PCDHA5: variants seen among roughly 807,000 people sequenced by gnomAD.
The protein encoded by PCDHA5 is protocadherin alpha 5, also known as protocadherin alpha-5.
In PCDHA5, 43 loss-of-function variants were observed where a neutral mutation model predicts 61.6. The observed-to-expected ratio is 0.70, with a 90% CI of 0.55 to 0.90. The LOEUF is 0.90. PCDHA5 is among the 40% of genes least tolerant of loss of function. The pLI is 0.00. For missense variants in PCDHA5, 1,298 were observed against 1,222.7 expected (o/e 1.06, Z -0.92); for synonymous variants, 627 against 543.9 (o/e 1.15, Z -2.13).
Position 140,843,987 on chromosome 5 carries a change from G to T in PCDHA5, c.2352+19860G>T, listed in dbSNP as rs1007978772. ...ATTTATTTTGGCCTGCCTTACAGCCGTCTTCTCTGAACAATACTCTAAGGA... is the reference window on the plus strand; with the variant it reads ...ATTTATTTTGGCCTGCCTTACAGCCTTCTTCTCTGAACAATACTCTAAGGA... On this transcript the variant is annotated intron_variant, in intron 1 of 3. Coordinates refer to ENST00000529859, the MANE Select transcript of PCDHA5 (RefSeq NM_018908.3). Among the ~76,000 whole-genome samples the T allele has an allele frequency of 1.5e-4, 23 of 149,540 alleles. 2 individuals are homozygous for T. The highest frequency in any genetic ancestry group is 5.6e-4 in the African/African-American group (23 of 40,920).
At chr5:140,901,060 A>AT (rs542927280) in intron 1 of PCDHA5, among the ~76,000 whole-genome samples, 21 of 151,128 alleles carry the variant, frequency 1.4e-4, no homozygotes, top group African/African-American at 3.2e-4. Flanking sequence ...AGATTATTAG[A>AT]TTTTTTTTTC....
At chr5:140,846,180 G>A (rs1196711565) in intron 1 of PCDHA5, among the ~76,000 whole-genome samples, 4 of 149,348 alleles carry the variant, frequency 2.7e-5, no homozygotes, top group East Asian at 1.9e-4. Context: ...CTGAGTAGGC[G>A]TTTGAGTTCT....
intron 1 of PCDHA5, chr5:140,876,583 C>T: frequency 1.9e-6 from 3 of 1,614,194 alleles, no homozygotes; most frequent in Non-Finnish European, 2.5e-6. Flanking sequence ...CGTCATTGCC[C>T]TGATTAGCGT....
At chr5:140,973,870 T>A (rs2153801427) in intron 1 of PCDHA5, among the ~76,000 whole-genome samples, 1 of 152,264 alleles carries the variant, frequency 6.6e-6, no homozygotes. Flanking sequence ...CAATGAGAGG[T>A]CAGAATAATG....
chr5:140,852,883 G>T, intron 1 of PCDHA5: 1 of 933,168 alleles, frequency 1.1e-6, no homozygotes, highest in Non-Finnish European at 1.3e-6. Flanking sequence ...ATCATAAAAC[G>T]TATTTTTTTT....
chr5:140,848,884 C>T, intron 1 of PCDHA5: 2 of 1,591,388 alleles, frequency 1.3e-6, no homozygotes, highest in South Asian at 1.1e-5. Flanking sequence ...AACGACAACC[C>T]TCCAGTGTTC....
At chr5:140,963,091 T>C (rs1250580965) in intron 1 of PCDHA5, among the ~76,000 whole-genome samples, 1 of 152,162 alleles carries the variant, frequency 6.6e-6, no homozygotes, top group African/African-American at 2.4e-5. Flanking sequence ...AAGACATGGC[T>C]CCTGCTTTCA....
In PCDHA5 at chr5:140,822,930, C is replaced by T; in HGVS notation, c.1155C>T (p.Thr385=). Reference sequence around the variant, plus strand: ...ACTCAGGTGCCAACGGGCAGGTGACCTGCTCCCTAATGCCCCACGTTCCCT... The same window carrying T: ...ACTCAGGTGCCAACGGGCAGGTGACTTGCTCCCTAATGCCCCACGTTCCCT... ...DRDSGANGQV[T]CSLMPHVPFK... Residue 385 remains threonine, a synonymous_variant, in exon 1 of 4, where the codon ACC becomes ACT. Transcript: ENST00000529859. 6.2e-6 allele frequency: 10 copies of T among 1,614,266 alleles called. No homozygotes were observed. The highest frequency in any genetic ancestry group is 7.6e-6 in the Non-Finnish European group (9 of 1,180,044).
intron 1 of PCDHA5, chr5:140,865,048 T>A (rs2048709545): frequency 1.3e-5 from 2 of 152,178 alleles, no homozygotes; most frequent in Admixed American, 1.3e-4. Flanking sequence ...AAAAATGTCA[T>A]TGTTTTTAAT....
intron 3 of PCDHA5, among the ~76,000 whole-genome samples, chr5:140,988,630 G>A (rs184253041): frequency 3.1e-4 from 47 of 152,192 alleles, no homozygotes; most frequent in African/African-American, 1.1e-3. Context: ...AGATGTCCTG[G>A]TTTTCTGAAA....
chr5:140,906,999 G>T lies in PCDHA5; in HGVS notation c.2353-71950G>T, dbSNP rs187849442. Among the ~76,000 whole-genome samples the T allele has an allele frequency of 8.0e-3, 1,219 of 152,202 alleles. 6 individuals are homozygous for T. The highest frequency in any genetic ancestry group is 0.019 in the African/African-American group (787 of 41,528). On this transcript the variant is annotated intron_variant, in intron 1 of 3. Coordinates refer to ENST00000529859, the MANE Select transcript of PCDHA5 (RefSeq NM_018908.3). Reference sequence around the variant, plus strand: ...TTCTGGTGGCAGCATTCCTCCCTCTGGAACTAAGACCTCTAGGCCAGCAGA... The same window carrying T: ...TTCTGGTGGCAGCATTCCTCCCTCTTGAACTAAGACCTCTAGGCCAGCAGA...
At chr5:140,928,666 T>C in intron 1 of PCDHA5, 8 of 1,614,212 alleles carry the variant, frequency 5.0e-6, no homozygotes, top group Non-Finnish European at 6.8e-6. Context: ...TGACAGTGGT[T>C]CTAATGCCTG....
At chr5:140,951,431 G>A (rs1003684083) in intron 1 of PCDHA5, among the ~76,000 whole-genome samples, 1 of 152,044 alleles carries the variant, frequency 6.6e-6, no homozygotes, top group Non-Finnish European at 1.5e-5. Context: ...TCCACAGGCT[G>A]TAGGAAGCAT....
In PCDHA5 at chr5:140,835,437, C is replaced by G. The variant is rs150063888; in HGVS notation, c.2352+11310C>G. ...AAATGACAATGCTCCACAGTTGACTCTCACTTCCCTGTCTCTCCCTATTCC... is the reference window on the plus strand; with the variant it reads ...AAATGACAATGCTCCACAGTTGACTGTCACTTCCCTGTCTCTCCCTATTCC... On this transcript the variant is annotated intron_variant, in intron 1 of 3. Transcript: ENST00000529859. 1.9e-6 allele frequency: 3 copies of G among 1,612,848 alleles called. No individual in the cohort carries two copies. The highest frequency in any genetic ancestry group is 1.7e-4 in the Middle Eastern group (1 of 6,058).
chr5:140,875,531 T>G, intron 1 of PCDHA5: 1 of 1,614,100 alleles, frequency 6.2e-7, no homozygotes. Flanking sequence ...TCGCTTCTGC[T>G]CCTTGCAGCC....
chr5:140,900,693 T>A (rs1223398418), intron 1 of PCDHA5, among the ~76,000 whole-genome samples: 1 of 152,242 alleles, frequency 6.6e-6, no homozygotes, highest in African/African-American at 2.4e-5. Flanking sequence ...TATACTGATT[T>A]CCGTTCTTTT....
intron 1 of PCDHA5, among the ~76,000 whole-genome samples, chr5:140,908,078 A>T (rs1047293736): frequency 6.6e-6 from 1 of 152,202 alleles, no homozygotes; most frequent in Non-Finnish European, 1.5e-5. Context: ...AAAGTGCACA[A>T]CCAGGTGCAC....
chr5:140,928,807 C>G (rs782261335), intron 1 of PCDHA5: 1 of 1,614,094 alleles, frequency 6.2e-7, no homozygotes, highest in Admixed American at 1.7e-5. Context: ...GGTAGTGGTT[C>G]GGGACCATGG....
At chr5:140,957,897 C>A (rs1563294637) in intron 1 of PCDHA5, among the ~76,000 whole-genome samples, 2 of 151,908 alleles carry the variant, frequency 1.3e-5, no homozygotes, top group East Asian at 3.9e-4. Context: ...TGGCATCAAC[C>A]AAGGCATATT....
Sources: allele counts gnomAD v4.1 joint callset (sites outside exome capture counted in the v4.1 genomes callset), GRCh38; gene constraint gnomAD v4.1.1; transcripts MANE v1.5; gene names NCBI Gene and HGNC (gene_info 2026-07-23, HGNC 2026-07-21).